Variants in CAND1 observed in about 807,000 individuals in gnomAD.
CAND1 encodes the protein cullin-associated NEDD8-dissociated protein 1.
A neutral mutation model predicts 108.5 loss-of-function variants in CAND1; 7 were observed. The ratio of observed to expected loss-of-function variants is 0.06; its 90% CI spans 0.04 to 0.12. The LOEUF (loss-of-function observed/expected upper bound fraction) is 0.12, where lower values mean the gene tolerates loss of function less well. Among genes scored for constraint, CAND1 ranks in the 10% least tolerant of loss-of-function variants. The pLI is 1.00. For missense variants in CAND1, 941 were observed against 1,448.7 expected, an observed-to-expected ratio of 0.65 and a Z score of 5.69; for synonymous variants, 534 against 512.0, an observed-to-expected ratio of 1.04 and a Z score of -0.58.
At chr12:67,282,145 T>C in intron 2 of CAND1, 92 bp downstream of exon 2, 1 of 1,295,190 alleles carries the variant, frequency 7.7e-7, no homozygotes, top group Non-Finnish European at 1.1e-6. Flanking sequence ...ATCTTAGCCT[T>C]GTACTATCTC....
intron 7 of CAND1, among the ~76,000 whole-genome samples, chr12:67,299,686 A>T (rs1271360995): frequency 6.6e-6 from 1 of 152,164 alleles, no homozygotes. Context: ...CCTAAGATTG[A>T]TGTAATCACA....
intron 1 of CAND1, among the ~76,000 whole-genome samples, chr12:67,271,782 G>A (rs2135986196): frequency 6.6e-6 from 1 of 152,294 alleles, no homozygotes; most frequent in East Asian, 1.9e-4. Context: ...TTTAGGAGCA[G>A]TACGTGATTT....
intron 10 of CAND1, 34 bp downstream of exon 10, chr12:67,306,631 T>G: frequency 6.6e-7 from 1 of 1,508,902 alleles, no homozygotes; most frequent in East Asian, 2.3e-5. Flanking sequence ...TAAAAAGTTT[T>G]TTATTGATAG....
intron 2 of CAND1, among the ~76,000 whole-genome samples, chr12:67,287,226 C>T (rs2044680398): frequency 6.6e-6 from 1 of 152,134 alleles, no homozygotes; most frequent in Non-Finnish European, 1.5e-5. Context: ...GCAAAAATTG[C>T]CCTGTTGAGA....
At position 67,305,309 on chromosome 12, in the gene CAND1, C is replaced by G. The variant is rs776036483; in HGVS notation, c.1641C>G (p.Val547=). Residue 547 remains valine (V), a synonymous_variant, in exon 10 of 15, where the codon GTC becomes GTG. Coordinates refer to ENST00000545606, the MANE Select transcript of CAND1 (RefSeq NM_018448.5). The surrounding 1 kb of genome is among the most constrained non-coding windows in gnomAD (Gnocchi z 4.4). The stretch of plus-strand genomic sequence containing the variant: ...CACTTCTTGTTACTCAACAGCTTGT[C>G]AAAGTAATTCGTCCTTTAGATCAGC... ...SEALLVTQQL[V]KVIRPLDQPS... The G allele has an allele frequency of 8.1e-6, 13 of 1,614,002 alleles. No homozygotes were observed.
chr12:67,295,019 T>C lies in CAND1; in HGVS notation c.368-14T>C. On this transcript the variant is annotated splice_polypyrimidine_tract_variant and intron_variant, in intron 3 of 14. Transcript: ENST00000545606. ...GCTTGCCTTGAAATTATTATTGGCT[T>C]CTTATTCATGCAGGCTCTGCATTAG... 6.2e-7 allele frequency: 1 copy of C among 1,605,092 alleles called. No individual in the cohort carries two copies. The highest frequency in any genetic ancestry group is 8.5e-7 in the Non-Finnish European group (1 of 1,175,986).
intron 1 of CAND1, among the ~76,000 whole-genome samples, chr12:67,280,205 T>TA (rs2044607121): frequency 1.3e-5 from 2 of 152,218 alleles, no homozygotes; most frequent in South Asian, 4.1e-4. Context: ...TGGTAAGAAT[T>TA]AAACTATTAG....
intron 1 of CAND1, among the ~76,000 whole-genome samples, chr12:67,275,820 A>G (rs1341280541): frequency 6.6e-6 from 1 of 152,172 alleles, no homozygotes; most frequent in East Asian, 1.9e-4. Flanking sequence ...TGCAGAGTAG[A>G]GTTCCTTATG....
chr12:67,297,758 T>C lies in CAND1; in HGVS notation c.759T>C (p.Leu253=), dbSNP rs2044783848. The change falls in exon 6 of 15, where the codon CTT becomes CTC. Residue 253 remains leucine (L), a synonymous_variant. Coordinates refer to ENST00000545606, the MANE Select transcript of CAND1 (RefSeq NM_018448.5). ...RQAGHRIGEY[L]EKIIPLVVKF... ...TTATGCTTTTCTTAGGTGAATACCT[T>C]GAGAAGATAATTCCTTTGGTGGTAA... 1.9e-6 allele frequency: 3 copies of C among 1,605,606 alleles called. No homozygotes were observed. Among genetic ancestry groups the C allele is most frequent in the Non-Finnish European group, 2.6e-6 (3 of 1,174,182 alleles).
intron 11 of CAND1, among the ~76,000 whole-genome samples, chr12:67,308,478 T>C (rs2044912417): frequency 6.6e-6 from 1 of 152,104 alleles, no homozygotes; most frequent in Non-Finnish European, 1.5e-5. Flanking sequence ...CCATGCCATA[T>C]CTCTAGAAAT....
At chr12:67,273,205 T>C (rs12424158) in intron 1 of CAND1, among the ~76,000 whole-genome samples, 73,407 of 152,026 alleles carry the variant, frequency 0.48, 19,235 homozygotes, top group Non-Finnish European at 0.59. Context: ...CTTAGAACAG[T>C]GCTTCTCATC....
rs776151112 is a variant in CAND1, at chr12:67,307,400, C to T, written c.2933C>T (p.Ser978Leu). 1.9e-6 allele frequency: 3 copies of T among 1,609,410 alleles called. No homozygotes were observed. Among genetic ancestry groups the T allele is most frequent in the Non-Finnish European group, 2.5e-6 (3 of 1,176,932 alleles). ...CTTGCAATTTATTTTTAACTAGGCT[C>T]ATCATATGCCCGAAGCTCAGTGGTT... Reference protein sequence around the residue: ...PRLKGYLISGSSYARSSVVTA... With the variant: ...PRLKGYLISGLSYARSSVVTA... The change falls in exon 11 of 15, where the codon TCA (serine) becomes TTA (leucine). Residue 978 changes from serine (S) to leucine (L), a missense_variant. Physicochemically the swap from Ser to Leu is moderately radical, Grantham distance 145. Around this residue, in one of 9 missense-constraint regions of CAND1, gnomAD observed 106 missense variants for 182.0 expected, o/e 0.58. Transcript: ENST00000545606.
At chr12:67,304,768 CT>C in intron 9 of CAND1, 22 bp downstream of exon 9, 1 of 1,608,128 alleles carries the variant, frequency 6.2e-7, no homozygotes, top group Non-Finnish European at 8.5e-7. Flanking sequence ...ACATAAATCT[CT>C]TTTGGGACTT....
intron 2 of CAND1, among the ~76,000 whole-genome samples, chr12:67,283,329 A>G (rs11176670): frequency 0.097 from 14,807 of 152,162 alleles, 1,398 homozygotes; most frequent in African/African-American, 0.25. Context: ...CACACCTGTA[A>G]TCCTAGCACT....
At position 67,306,040 on chromosome 12, in the gene CAND1, C is replaced by G. The variant is rs918974386; in HGVS notation, c.2372C>G (p.Thr791Ser). 6.2e-7 allele frequency: 1 copy of G among 1,614,086 alleles called. No homozygotes were observed. The highest frequency in any genetic ancestry group is 8.5e-7 in the Non-Finnish European group (1 of 1,179,948). Reference protein sequence around the residue: ...GPVYSQSTALTHKQSYYSIAK... With the variant: ...GPVYSQSTALSHKQSYYSIAK... ...GTTTACTCTCAGAGCACAGCTCTTA[C>G]TCATAAGCAGTCTTATTATTCCATT... The change falls in exon 10 of 15, where the codon ACT becomes AGT. Residue 791 changes from threonine (T) to serine (S), a missense_variant. Physicochemically the swap from Thr to Ser is moderately conservative, Grantham distance 58. Transcript: ENST00000545606.
Position 67,314,041 on chromosome 12 carries a change from A to G in CAND1, c.*1211A>G, listed in dbSNP as rs1407565052. 2 of 152,524 alleles carry G rather than the reference A, an allele frequency of 1.3e-5. No individual in the cohort carries two copies. Among genetic ancestry groups the G allele is most frequent in the Non-Finnish European group, 2.9e-5 (2 of 68,010 alleles). The allele number at this position is 152,524 out of a possible 1,614,324, so 9.4% of individuals were successfully genotyped here. A position where few individuals can be genotyped will look rare whatever the true frequency, so the allele number is the denominator to read the frequency against. On this transcript the variant is annotated 3_prime_UTR_variant, in exon 15 of 15. Transcript: ENST00000545606. Reference sequence around the variant, plus strand: ...TATTGTAGTTAAAATTTTATTTAACATATCCTTCAGTGAGCTCATTTCACA... The same window carrying G: ...TATTGTAGTTAAAATTTTATTTAACGTATCCTTCAGTGAGCTCATTTCACA...
At chr12:67,302,235 T>C (rs2044831996) in intron 7 of CAND1, 88 bp from the exon 8 acceptor site, 5 of 1,213,440 alleles carry the variant, frequency 4.1e-6, no homozygotes, top group Non-Finnish European at 5.8e-6. Flanking sequence ...ATTAACTGAT[T>C]TGGTTAAGAA....
chr12:67,270,708 C>T (rs1469499081), intron 1 of CAND1: 9 of 150,424 alleles, frequency 6.0e-5, no homozygotes, highest in Non-Finnish European at 1.2e-4. Context: ...TTTCCTTGCA[C>T]GCTTCGGTGA....
At chr12:67,291,056 C>A (rs980199606) in intron 2 of CAND1, among the ~76,000 whole-genome samples, 1 of 152,146 alleles carries the variant, frequency 6.6e-6, no homozygotes, top group Non-Finnish European at 1.5e-5. Flanking sequence ...TCCATGAAAT[C>A]GGTCCCTGCT....
Sources: gnomAD v4.1 joint callset for allele counts (sites outside exome capture counted in the v4.1 genomes callset) on GRCh38, gnomAD v4.1.1 for gene constraint, gnomAD v4.1.1 regional missense constraint, Gnocchi (gnomAD v3.1) non-coding constraint, MANE v1.5 for transcripts, NCBI Gene and HGNC (gene_info 2026-07-23, HGNC 2026-07-21) for gene names.